FTO: variants seen among roughly 807,000 people sequenced by gnomAD.
FTO encodes the protein FTO alpha-ketoglutarate dependent dioxygenase.
Under a neutral mutation model 63.9 loss-of-function variants are expected in FTO, and 47 were observed. That is an observed-to-expected ratio of 0.74 (90% CI 0.58 to 0.94). The LOEUF is 0.94. Ranked by LOEUF, FTO falls within the 40% of genes least tolerant of loss-of-function variation. The pLI is 0.00. For missense variants in FTO, 562 were observed against 618.1 expected, an observed-to-expected ratio of 0.91 and a Z score of 0.96; for synonymous variants, 207 against 224.4, an observed-to-expected ratio of 0.92 and a Z score of 0.69.
intron 8 of FTO, among the ~76,000 whole-genome samples, chr16:54,102,201 T>C (rs1167606385): frequency 2.0e-5 from 3 of 152,186 alleles, no homozygotes; most frequent in South Asian, 2.1e-4. Flanking sequence ...TTTGAAACCC[T>C]GGAAGACAAA....
intron 8 of FTO, among the ~76,000 whole-genome samples, chr16:54,076,541 T>C (rs552976401): frequency 2.2e-4 from 33 of 152,314 alleles, no homozygotes; most frequent in Non-Finnish European, 4.1e-4. Context: ...AGTCAGTGTC[T>C]TTTGCGTTTT....
At chr16:53,912,603 A>G (rs949457808) in intron 7 of FTO, among the ~76,000 whole-genome samples, 1 of 152,186 alleles carries the variant, frequency 6.6e-6, no homozygotes, top group Non-Finnish European at 1.5e-5. Context: ...AATCATCATC[A>G]ACAGATTGCA....
intron 8 of FTO, among the ~76,000 whole-genome samples, chr16:54,035,826 C>T (rs1307419009): frequency 6.6e-6 from 1 of 152,186 alleles, no homozygotes; most frequent in African/African-American, 2.4e-5. Flanking sequence ...CCCGCTTCCT[C>T]TTGAAATGAA....
intron 8 of FTO, among the ~76,000 whole-genome samples, chr16:53,938,933 CAA>C (rs75389919): frequency 1.8e-4 from 23 of 125,254 alleles, no homozygotes; most frequent in African/African-American, 3.7e-4. Context: ...ACTAAAAATA[CAA>C]AAAAAAAAAA....
chr16:53,932,499 C>T (rs1393383824), intron 7 of FTO, among the ~76,000 whole-genome samples: 3 of 151,362 alleles, frequency 2.0e-5, no homozygotes, highest in Admixed American at 6.6e-5. Context: ...AAGCAATTCT[C>T]CTGCCTCAGC....
chr16:53,871,795 C>T (rs576166804), intron 4 of FTO, among the ~76,000 whole-genome samples: 111 of 151,980 alleles, frequency 7.3e-4, no homozygotes, highest in African/African-American at 2.6e-3. Context: ...GGCGCAATCT[C>T]GGCTCACTGC....
chr16:53,978,072 C>T (rs1487283265), intron 8 of FTO, among the ~76,000 whole-genome samples: 1 of 152,076 alleles, frequency 6.6e-6, no homozygotes, highest in East Asian at 1.9e-4. Flanking sequence ...CTGTATTGCC[C>T]AGGCTAGATA....
chr16:54,067,503 G>A (rs984258636), intron 8 of FTO, among the ~76,000 whole-genome samples: 1 of 152,184 alleles, frequency 6.6e-6, no homozygotes, highest in African/African-American at 2.4e-5. Context: ...CATGTGCTCC[G>A]CATCAGCCAC....
intron 8 of FTO, among the ~76,000 whole-genome samples, chr16:53,980,440 T>G (rs2083516768): frequency 1.3e-5 from 2 of 152,106 alleles, no homozygotes; most frequent in Non-Finnish European, 2.9e-5. Context: ...AGCTGACACG[T>G]GGGGAGGGAA....
intron 8 of FTO, among the ~76,000 whole-genome samples, chr16:54,042,371 TCCCA>T (rs2144284903): frequency 9.3e-6 from 1 of 106,996 alleles, no homozygotes; most frequent in African/African-American, 4.3e-5. Flanking sequence ...ATCGGGTCAC[TCCCA>T]CCCGAATATT....
chr16:53,808,221 C>G (rs1306598381), intron 1 of FTO, among the ~76,000 whole-genome samples: 1 of 151,864 alleles, frequency 6.6e-6, no homozygotes, highest in Non-Finnish European at 1.5e-5. Flanking sequence ...TTAGTCCCAG[C>G]TACTTGCGAG....
At chr16:53,881,760 A>T (rs2080843557) in intron 6 of FTO, among the ~76,000 whole-genome samples, 1 of 152,214 alleles carries the variant, frequency 6.6e-6, no homozygotes, top group East Asian at 1.9e-4. Flanking sequence ...TTTTACTTTA[A>T]ATCAACTCTT....
chr16:53,870,283 GT>G (rs935812042), intron 4 of FTO, among the ~76,000 whole-genome samples: 11 of 152,126 alleles, frequency 7.2e-5, no homozygotes, highest in African/African-American at 2.7e-4. Context: ...ATGAGAAGAT[GT>G]TTTTGGATCT....
At chr16:53,809,786 A>G (rs2078472362) in intron 1 of FTO, among the ~76,000 whole-genome samples, 1 of 151,886 alleles carries the variant, frequency 6.6e-6, no homozygotes. Flanking sequence ...TACTAAAAAT[A>G]AAGACAATTA....
chr16:53,892,573 T>C (rs897399604), intron 7 of FTO, among the ~76,000 whole-genome samples: 12 of 152,220 alleles, frequency 7.9e-5, no homozygotes, highest in Non-Finnish European at 4.4e-5. Context: ...CAAATGATTC[T>C]TTTTTATCTT....
At chr16:53,764,996 A>G (rs1005048266) in intron 1 of FTO, among the ~76,000 whole-genome samples, 2 of 152,164 alleles carry the variant, frequency 1.3e-5, no homozygotes, top group African/African-American at 4.8e-5. Context: ...CTGGGATTAC[A>G]GGCATGAGCC....
intron 2 of FTO, among the ~76,000 whole-genome samples, chr16:53,822,410 A>G (rs1365177712): frequency 6.6e-6 from 1 of 152,176 alleles, no homozygotes; most frequent in Admixed American, 6.5e-5. Flanking sequence ...ACATACAGTG[A>G]CATCCTAGAA....
At chr16:53,925,846 G>T (rs986791766) in intron 7 of FTO, among the ~76,000 whole-genome samples, 2 of 152,152 alleles carry the variant, frequency 1.3e-5, no homozygotes, top group African/African-American at 4.8e-5. Flanking sequence ...AATTGAATCC[G>T]TTCAGAATTG....
intron 8 of FTO, among the ~76,000 whole-genome samples, chr16:53,980,998 A>G (rs1317627431): frequency 6.6e-6 from 1 of 152,168 alleles, no homozygotes; most frequent in East Asian, 1.9e-4. Context: ...TCTCCACAGT[A>G]TTTTTGACCC....
Sources: gnomAD v4.1 joint callset for allele counts (sites outside exome capture counted in the v4.1 genomes callset) on GRCh38, gnomAD v4.1.1 for gene constraint, MANE v1.5 for transcripts, NCBI Gene and HGNC (gene_info 2026-07-23, HGNC 2026-07-21) for gene names.